SSBP3: variants seen among roughly 807,000 people sequenced by gnomAD.
SSBP3 encodes the protein single stranded DNA binding protein 3, also known as single-stranded DNA-binding protein 3.
Under a neutral mutation model 69.6 loss-of-function variants are expected in SSBP3, and 5 were observed. The observed-to-expected ratio is 0.07, with a 90% CI of 0.04 to 0.15. The LOEUF (loss-of-function observed/expected upper bound fraction) is 0.15, where lower values mean the gene tolerates loss of function less well. SSBP3 is among the 10% of genes least tolerant of loss of function. SSBP3 has a pLI of 1.00. For missense variants in SSBP3, 312 were observed against 534.0 expected (o/e 0.58, Z 4.10); for synonymous variants, 196 against 193.4 (o/e 1.01, Z -0.11).
intron 4 of SSBP3, among the ~76,000 whole-genome samples, chr1:54,351,274 C>G (rs1646777075): frequency 6.6e-6 from 1 of 152,190 alleles, no homozygotes; most frequent in Admixed American, 6.5e-5. Context: ...TTCTTTTCTT[C>G]CTTCCTCCTA....
At chr1:54,352,893 A>T (rs978541632) in intron 4 of SSBP3, among the ~76,000 whole-genome samples, 4 of 152,226 alleles carry the variant, frequency 2.6e-5, no homozygotes, top group Admixed American at 2.0e-4. Flanking sequence ...CTCAAGCCAG[A>T]TCCCTCTCAA....
rs780059980 is a variant in SSBP3 at position 54,322,521 on chromosome 1, C to T, written c.277-40994G>A. On this transcript the variant is annotated intron_variant, in intron 4 of 17. Transcript: ENST00000610401. ...CTTACTGCCACATCTGATAATGCAC[C>T]TGGCCACATAAACTCAAGATGACAC... is the stretch of plus-strand genomic sequence containing the variant. Among the ~76,000 whole-genome samples the T allele has an allele frequency of 1.2e-4, 19 of 152,202 alleles. No individual in the cohort carries two copies. The Middle Eastern group carries it at 0.014, about 109-fold the overall frequency.
chr1:54,330,475 T>C (rs12404565), intron 4 of SSBP3, among the ~76,000 whole-genome samples: 9,221 of 152,236 alleles, frequency 0.061, 336 homozygotes, highest in South Asian at 0.13. Context: ...TGGCATTGAG[T>C]GTAAAATTCT....
At chr1:54,315,944 G>A (rs1480539046) in intron 4 of SSBP3, among the ~76,000 whole-genome samples, 1 of 152,136 alleles carries the variant, frequency 6.6e-6, no homozygotes, top group Non-Finnish European at 1.5e-5. Flanking sequence ...TTACAGGCAT[G>A]AGCCATTGCA....
intron 14 of SSBP3, chr1:54,237,801 C>A: frequency 4.0e-6 from 1 of 248,014 alleles, no homozygotes; most frequent in Non-Finnish European, 8.1e-6. Context: ...CAGCAGACTC[C>A]TAGGCAAGTG....
chr1:54,253,198 T>A (rs568765585), intron 7 of SSBP3, among the ~76,000 whole-genome samples: 5 of 149,984 alleles, frequency 3.3e-5, no homozygotes, highest in African/African-American at 1.2e-4. Flanking sequence ...TTTTGTTTTT[T>A]TTTTTTTTTA....
At chr1:54,294,742 A>G (rs1469682832) in intron 4 of SSBP3, among the ~76,000 whole-genome samples, 1 of 152,156 alleles carries the variant, frequency 6.6e-6, no homozygotes, top group African/African-American at 2.4e-5. Context: ...CTTCTCAGAC[A>G]GGTTGGATTC....
intron 4 of SSBP3, among the ~76,000 whole-genome samples, chr1:54,334,882 T>C (rs1646482626): frequency 6.6e-6 from 1 of 152,158 alleles, no homozygotes; most frequent in Admixed American, 6.6e-5. Flanking sequence ...GCCTGTGAAG[T>C]TGATTTTTTT....
intron 4 of SSBP3, among the ~76,000 whole-genome samples, chr1:54,285,674 C>T (rs967048550): frequency 6.6e-6 from 1 of 151,992 alleles, no homozygotes; most frequent in African/African-American, 2.4e-5. Flanking sequence ...TGGTTTCCAA[C>T]TTTGAGCTGG....
chr1:54,292,694 G>T (rs527755953), intron 4 of SSBP3, among the ~76,000 whole-genome samples: 1 of 152,178 alleles, frequency 6.6e-6, no homozygotes, highest in African/African-American at 2.4e-5. Context: ...AAACGAGAGG[G>T]AGTGGTGCCA....
At chr1:54,305,419 A>G (rs1569722033) in intron 4 of SSBP3, among the ~76,000 whole-genome samples, 1 of 152,034 alleles carries the variant, frequency 6.6e-6, no homozygotes, top group East Asian at 1.9e-4. Flanking sequence ...ACCAACTTAG[A>G]TCCATCTATG....
intron 4 of SSBP3, among the ~76,000 whole-genome samples, chr1:54,367,110 T>C (rs1467872283): frequency 6.6e-6 from 1 of 152,238 alleles, no homozygotes; most frequent in Non-Finnish European, 1.5e-5. Flanking sequence ...GGGCTGCCTC[T>C]TTCCTTTGCT....
intron 14 of SSBP3, chr1:54,236,405 G>A (rs888527955): frequency 2.0e-5 from 3 of 152,216 alleles, no homozygotes; most frequent in African/African-American, 7.2e-5. Flanking sequence ...ACAGGTGTGA[G>A]TCACCGCGCC....
intron 4 of SSBP3, 92 bp downstream of exon 4, chr1:54,401,769 A>G: frequency 1.9e-6 from 2 of 1,043,542 alleles, no homozygotes; most frequent in Admixed American, 3.9e-5. Flanking sequence ...AATAAAGACC[A>G]CTGCGAACTG....
At chr1:54,279,336 A>T (rs1420779564) in intron 5 of SSBP3, among the ~76,000 whole-genome samples, 3 of 152,222 alleles carry the variant, frequency 2.0e-5, no homozygotes. Flanking sequence ...CAAACGTCAC[A>T]GGGGAGGGCC....
intron 4 of SSBP3, among the ~76,000 whole-genome samples, chr1:54,317,223 GATA>G (rs780528521): frequency 6.6e-6 from 1 of 152,162 alleles, no homozygotes; most frequent in Non-Finnish European, 1.5e-5. Flanking sequence ...AAACTGTAAT[GATA>G]ATATACTATT....
chr1:54,336,305 C>G (rs1025523084), intron 4 of SSBP3, among the ~76,000 whole-genome samples: 1 of 152,224 alleles, frequency 6.6e-6, no homozygotes, highest in Non-Finnish European at 1.5e-5. Flanking sequence ...CATGGCCCCC[C>G]ACGTTGGGGG....
In SSBP3 at chr1:54,358,166, G is replaced by T. The variant is rs192255106; in HGVS notation, c.276+43695C>A. 1.3e-3 allele frequency among the ~76,000 whole-genome samples: 200 copies of T among 152,272 alleles called. 8 individuals carry two copies. The South Asian group carries it at 0.027, about 21-fold the overall frequency. ...CTGCCACCAAGCTTATCTTCATTGGGCACTTAACTATGTGCCAGGCACTGC... is the reference window on the plus strand; with the variant it reads ...CTGCCACCAAGCTTATCTTCATTGGTCACTTAACTATGTGCCAGGCACTGC... On this transcript the variant is annotated intron_variant, in intron 4 of 17. Coordinates refer to ENST00000610401, the Ensembl canonical transcript of SSBP3.
At chr1:54,269,307 C>G (rs1645153299) in intron 5 of SSBP3, among the ~76,000 whole-genome samples, 1 of 152,168 alleles carries the variant, frequency 6.6e-6, no homozygotes, top group South Asian at 2.1e-4. Context: ...TAGAAGTAGT[C>G]CCCCATTTCT....
Sources: allele counts gnomAD v4.1 joint callset (sites outside exome capture counted in the v4.1 genomes callset), GRCh38; gene constraint gnomAD v4.1.1; transcripts MANE v1.5; gene names NCBI Gene and HGNC (gene_info 2026-07-23, HGNC 2026-07-21).